Variants in COP1 observed in about 807,000 individuals in gnomAD.
COP1 encodes the protein COP1 E3 ubiquitin ligase.
COP1 carries 24 observed loss-of-function variants against 101.3 expected under a neutral mutation model. The observed-to-expected ratio is 0.24, with a 90% CI of 0.17 to 0.33. The LOEUF is 0.33. Among genes scored for constraint, COP1 ranks in the 10% least tolerant of loss-of-function variants. The pLI is 1.00. For missense variants in COP1, 663 were observed against 906.2 expected (o/e 0.73, Z 3.45); for synonymous variants, 347 against 341.9 (o/e 1.01, Z -0.17).
At chr1:176,085,748 G>C in intron 10 of COP1, 28 bp downstream of exon 10, 1 of 1,299,928 alleles carries the variant, frequency 7.7e-7, no homozygotes, top group Non-Finnish European at 1.1e-6. Context: ...GTAGATTTCA[G>C]ATAATTTGAG....
intron 3 of COP1, chr1:176,168,712 C>A: frequency 2.9e-6 from 1 of 346,270 alleles, no homozygotes; most frequent in Non-Finnish European, 5.9e-6. Flanking sequence ...GCATTCAAAA[C>A]CAAGGGAGGC....
intron 14 of COP1, among the ~76,000 whole-genome samples, chr1:176,033,235 A>G (rs1404610358): frequency 2.6e-5 from 4 of 152,044 alleles, no homozygotes; most frequent in Admixed American, 2.0e-4. Context: ...AACATGGTGA[A>G]ATCCCATCTC....
At chr1:176,149,844 TAAC>T (rs942696187) in intron 5 of COP1, among the ~76,000 whole-genome samples, 13 of 152,026 alleles carry the variant, frequency 8.6e-5, no homozygotes, top group African/African-American at 3.1e-4. Context: ...AAAAATAAAA[TAAC>T]AATAAGAGAC....
At chr1:175,947,718 C>T (rs72713253) in intron 18 of COP1, among the ~76,000 whole-genome samples, 3 of 151,996 alleles carry the variant, frequency 2.0e-5, no homozygotes, top group Non-Finnish European at 4.4e-5. Context: ...ACTTAAGATC[C>T]CATATTTTGA....
At chr1:176,147,790 C>CG (rs1449286048) in intron 6 of COP1, among the ~76,000 whole-genome samples, 1 of 152,156 alleles carries the variant, frequency 6.6e-6, no homozygotes, top group African/African-American at 2.4e-5. Context: ...GAAGATCACA[C>CG]GGAAGAATTA....
At chr1:176,074,791 G>GA (rs79480972) in intron 11 of COP1, among the ~76,000 whole-genome samples, 11,544 of 107,134 alleles carry the variant, frequency 0.11, 514 homozygotes, top group Middle Eastern at 0.17. Flanking sequence ...TTTCAGGAAT[G>GA]AAAAAAAAAA....
intron 6 of COP1, among the ~76,000 whole-genome samples, chr1:176,142,060 A>G (rs552819658): frequency 4.6e-5 from 7 of 152,276 alleles, no homozygotes; most frequent in South Asian, 4.1e-4. Flanking sequence ...AGAAGAAAAC[A>G]GAAAAAGCAA....
At chr1:175,954,678 A>G (rs903863774) in intron 18 of COP1, among the ~76,000 whole-genome samples, 1 of 152,158 alleles carries the variant, frequency 6.6e-6, no homozygotes, top group African/African-American at 2.4e-5. Flanking sequence ...CAAATTCCCA[A>G]TTATGACAGA....
intron 15 of COP1, among the ~76,000 whole-genome samples, chr1:175,991,098 G>C (rs1658325579): frequency 6.6e-6 from 1 of 152,030 alleles, no homozygotes. Context: ...TTTTGGATTT[G>C]AGATGCTGAA....
intron 6 of COP1, among the ~76,000 whole-genome samples, chr1:176,139,284 A>C (rs1480355885): frequency 9.6e-5 from 12 of 124,680 alleles, no homozygotes; most frequent in African/African-American, 3.5e-4. Flanking sequence ...AAAAACAAAA[A>C]AAACAAAAAA....
chr1:175,972,762 A>G (rs1653578219), intron 18 of COP1, among the ~76,000 whole-genome samples: 1 of 151,952 alleles, frequency 6.6e-6, no homozygotes, highest in African/African-American at 2.4e-5. Flanking sequence ...CACTGCTCCC[A>G]GCCAAAAATG....
At chr1:176,057,526 G>A (rs953904540) in intron 11 of COP1, among the ~76,000 whole-genome samples, 28 of 152,222 alleles carry the variant, frequency 1.8e-4, no homozygotes, top group African/African-American at 6.8e-4. Flanking sequence ...TGGTGGAGAC[G>A]GGGTTTCGCT....
chr1:176,131,067 T>C (rs557862011), intron 8 of COP1, among the ~76,000 whole-genome samples: 28 of 151,850 alleles, frequency 1.8e-4, no homozygotes, highest in Admixed American at 1.3e-4. Context: ...AAAGGAACAG[T>C]GTAAGCAAAG....
At chr1:176,027,880 C>T (rs562915469) in intron 14 of COP1, among the ~76,000 whole-genome samples, 192 bp from the exon 15 acceptor site, 2 of 137,084 alleles carry the variant, frequency 1.5e-5, no homozygotes, top group South Asian at 5.0e-4. Context: ...AAAAAGATAC[C>T]TGAAACTGGG....
At chr1:176,017,440 T>C (rs1036521224) in intron 15 of COP1, 1 of 152,332 alleles carries the variant, frequency 6.6e-6, no homozygotes, top group African/African-American at 2.4e-5. Context: ...AGGTTTTTCT[T>C]AGGCGGGAAA....
chr1:176,022,875 A>G (rs1387596041), intron 15 of COP1, among the ~76,000 whole-genome samples: 2 of 152,234 alleles, frequency 1.3e-5, no homozygotes, highest in Admixed American at 1.3e-4. Context: ...ATGCTTCTAG[A>G]CATGAATTAG....
intron 15 of COP1, among the ~76,000 whole-genome samples, chr1:175,995,292 A>G (rs1313004622): frequency 6.6e-6 from 1 of 152,240 alleles, no homozygotes; most frequent in Non-Finnish European, 1.5e-5. Flanking sequence ...AAGACAAAGC[A>G]GGAAAGATCC....
At chr1:176,008,344 C>T (rs186418045) in intron 15 of COP1, among the ~76,000 whole-genome samples, 1 of 152,290 alleles carries the variant, frequency 6.6e-6, no homozygotes, top group East Asian at 1.9e-4. Flanking sequence ...GGAGCTGTTC[C>T]TATTCGGCCA....
At chr1:176,076,197 T>G (rs1003916182) in intron 11 of COP1, among the ~76,000 whole-genome samples, 1 of 151,964 alleles carries the variant, frequency 6.6e-6, no homozygotes, top group African/African-American at 2.4e-5. Context: ...TGGAACATGT[T>G]TTAAGATAGA....
Sources: allele counts gnomAD v4.1 joint callset (sites outside exome capture counted in the v4.1 genomes callset), GRCh38; gene constraint gnomAD v4.1.1; transcripts MANE v1.5; gene names NCBI Gene and HGNC (gene_info 2026-07-23, HGNC 2026-07-21).